TRAPPC8: variants seen among roughly 807,000 people sequenced by gnomAD.
TRAPPC8 encodes general sporulation gene 1 homolog.
In TRAPPC8, 54 loss-of-function variants were observed where a neutral mutation model predicts 174.3. The ratio of observed to expected loss-of-function variants is 0.31; its 90% CI spans 0.25 to 0.39. The LOEUF (loss-of-function observed/expected upper bound fraction) is 0.39, where lower values mean the gene tolerates loss of function less well. TRAPPC8 is among the 10% of genes least tolerant of loss of function. The pLI, the probability that TRAPPC8 is intolerant of heterozygous loss-of-function variation, is 1.00. For synonymous variants in TRAPPC8, 630 were observed against 579.9 expected (o/e 1.09, Z -1.24); for missense variants, 1,531 against 1,699.1 (o/e 0.90, Z 1.74).
At chr18:31,863,091 T>C (rs1309595935) in intron 19 of TRAPPC8, among the ~76,000 whole-genome samples, 1 of 147,820 alleles carries the variant, frequency 6.8e-6, no homozygotes, top group Non-Finnish European at 1.5e-5. Context: ...GGCAATCATA[T>C]GGACACATGG....
intron 25 of TRAPPC8, among the ~76,000 whole-genome samples, chr18:31,847,045 A>C (rs2033446406): frequency 1.3e-5 from 2 of 152,242 alleles, no homozygotes; most frequent in Non-Finnish European, 2.9e-5. Flanking sequence ...TGGATATTTG[A>C]GAGAGATACA....
rs760660849 is a variant in TRAPPC8, at chr18:31,870,485, C to G, written c.2275G>C (p.Val759Leu). ...AVVEEPITVE[V>L]AFRNPLKVLL... Reference sequence around the variant, plus strand: ...ACTTTCAAAGGGTTTCTAAAAGCCACTTCCACTGTAATTGGTTCTATTAAA... The same window carrying G: ...ACTTTCAAAGGGTTTCTAAAAGCCAGTTCCACTGTAATTGGTTCTATTAAA... The change falls in exon 16 of 29, where the codon GTG becomes CTG. Residue 759 changes from valine to leucine, a missense_variant. Transcript: ENST00000283351. The G allele has an allele frequency of 6.2e-7, 1 of 1,611,400 alleles. No homozygotes were observed. Among genetic ancestry groups the G allele is most frequent in the East Asian group, 2.2e-5 (1 of 44,724 alleles).
intron 9 of TRAPPC8, among the ~76,000 whole-genome samples, chr18:31,901,343 G>A (rs2036416932): frequency 6.6e-6 from 1 of 152,178 alleles, no homozygotes; most frequent in Non-Finnish European, 1.5e-5. Flanking sequence ...AGCAAAGACT[G>A]CAGTACCTTC....
At position 31,880,382 on chromosome 18, in the gene TRAPPC8, A is replaced by G. The variant is rs2145272965; in HGVS notation, c.1729-5678T>C. On this transcript the variant is annotated intron_variant, in intron 12 of 28. Coordinates refer to ENST00000283351, the MANE Select transcript of TRAPPC8 (RefSeq NM_014939.5). ...CCAATAAATGTTACTCACCACATAAAGAGAATTAAAAACCATATGATCATC... is the reference window on the plus strand; with the variant it reads ...CCAATAAATGTTACTCACCACATAAGGAGAATTAAAAACCATATGATCATC... Among the ~76,000 whole-genome samples the G allele has an allele frequency of 2.0e-5, 3 of 151,922 alleles. No individual in the cohort carries two copies. The South Asian group carries it at 6.2e-4, about 32-fold the overall frequency.
intron 1 of TRAPPC8, among the ~76,000 whole-genome samples, chr18:31,931,875 A>G (rs1292909648): frequency 6.6e-6 from 1 of 152,186 alleles, no homozygotes; most frequent in Non-Finnish European, 1.5e-5. Context: ...CGTAAGGTCT[A>G]TGGTATTAAC....
intron 9 of TRAPPC8, 110 bp downstream of exon 9, chr18:31,907,350 T>C (rs1162479728): frequency 6.4e-6 from 7 of 1,097,150 alleles, no homozygotes; most frequent in Admixed American, 2.6e-5. Flanking sequence ...AAGTACTATA[T>C]GCTCTTTGAG....
At chr18:31,894,165 G>A (rs1396629567) in intron 11 of TRAPPC8, among the ~76,000 whole-genome samples, 3 of 152,202 alleles carry the variant, frequency 2.0e-5, no homozygotes, top group Non-Finnish European at 4.4e-5. Flanking sequence ...TAGACTGACT[G>A]AGAATCAGTT....
At chr18:31,928,162 AT>A (rs2037700078) in intron 2 of TRAPPC8, among the ~76,000 whole-genome samples, 1 of 139,776 alleles carries the variant, frequency 7.2e-6, no homozygotes, top group Non-Finnish European at 1.5e-5. Context: ...ACTAAAAAAA[AT>A]AAAATAAAAT....
In TRAPPC8 at chr18:31,849,653, C is replaced by T. The variant is rs2033602587; in HGVS notation, c.3648G>A (p.Val1216=). ...ELKKPQAHLP[V]HTEKQSTEDA... is the part of the protein sequence containing the mutation. ...CCTCTGTTGACTGTTTTTCTGTATGCACAGGCAAGTGAGCTTGTGGTTTTT... is the reference window on the plus strand; with the variant it reads ...CCTCTGTTGACTGTTTTTCTGTATGTACAGGCAAGTGAGCTTGTGGTTTTT... The change falls in exon 25 of 29, where the codon GTG becomes GTA. Residue 1216 remains valine (V), a synonymous_variant. Transcript: ENST00000283351. The T allele has an allele frequency of 6.2e-7, 1 of 1,612,994 alleles. No individual in the cohort carries two copies. Among genetic ancestry groups the T allele is most frequent in the African/African-American group, 1.3e-5 (1 of 74,972 alleles).
At chr18:31,870,286 C>A (rs924496541) in intron 16 of TRAPPC8, 86 bp downstream of exon 16, 11 of 1,229,256 alleles carry the variant, frequency 8.9e-6, no homozygotes, top group Non-Finnish European at 1.2e-5. Flanking sequence ...AAGTATAGCT[C>A]ACTGAACAGA....
At chr18:31,925,026 G>GA (rs1054803792) in intron 2 of TRAPPC8, among the ~76,000 whole-genome samples, 4 of 151,966 alleles carry the variant, frequency 2.6e-5, no homozygotes, top group Admixed American at 2.6e-4. Context: ...TGGCCTCAAA[G>GA]AAAAAAACTA....
In TRAPPC8 at chr18:31,856,947, T is replaced by C. The variant is rs143962796; in HGVS notation, c.3188+593A>G. Among the ~76,000 whole-genome samples, 325 of 151,780 alleles carry C rather than the reference T, an allele frequency of 2.1e-3. 1 individual carries two copies. Among genetic ancestry groups the C allele is most frequent in the African/African-American group, 7.1e-3 (292 of 41,400 alleles). On this transcript the variant is annotated intron_variant, in intron 20 of 28. Transcript: ENST00000283351. ...CTGCCTCAGCCTCCCAAGTTATTCC[T>C]AGTTAATTTTGTAAAAATGACAATG...
intron 4 of TRAPPC8, among the ~76,000 whole-genome samples, chr18:31,914,514 T>G (rs901615733): frequency 2.0e-5 from 3 of 152,228 alleles, no homozygotes; most frequent in Admixed American, 2.0e-4. Flanking sequence ...CATTTCAAAT[T>G]TTTTCTATTA....
At chr18:31,910,536 T>TA in intron 5 of TRAPPC8, among the ~76,000 whole-genome samples, 1 of 152,176 alleles carries the variant, frequency 6.6e-6, no homozygotes, top group Middle Eastern at 3.4e-3. Context: ...AAAACTAACA[T>TA]AGTCACTCCC....
intron 12 of TRAPPC8, among the ~76,000 whole-genome samples, chr18:31,887,263 T>C (rs1241768605): frequency 6.6e-6 from 1 of 152,194 alleles, no homozygotes; most frequent in Middle Eastern, 3.2e-3. Context: ...ATTATCTCAA[T>C]AGATGCAGAA....
intron 9 of TRAPPC8, among the ~76,000 whole-genome samples, chr18:31,904,250 A>G (rs2036566389): frequency 6.6e-6 from 1 of 151,944 alleles, no homozygotes; most frequent in South Asian, 2.1e-4. Context: ...AAAAAAAAAA[A>G]AGAAAAAAGA....
intron 4 of TRAPPC8, among the ~76,000 whole-genome samples, chr18:31,913,962 T>TA (rs1237188199): frequency 6.6e-6 from 1 of 151,990 alleles, no homozygotes; most frequent in African/African-American, 2.4e-5. Context: ...AGTCAGGAGT[T>TA]AGAGACCATC....
intron 9 of TRAPPC8, among the ~76,000 whole-genome samples, chr18:31,905,756 C>T (rs1299052795): frequency 6.6e-6 from 1 of 152,122 alleles, no homozygotes; most frequent in Non-Finnish European, 1.5e-5. Flanking sequence ...GCACATATAT[C>T]ATCTAAGAAT....
intron 26 of TRAPPC8, among the ~76,000 whole-genome samples, chr18:31,841,856 C>G (rs898561589): frequency 4.6e-5 from 7 of 152,164 alleles, no homozygotes; most frequent in Non-Finnish European, 8.8e-5. Flanking sequence ...AGATAACTTT[C>G]TCTAGCTGAA....
Sources: gnomAD v4.1 joint callset for allele counts (sites outside exome capture counted in the v4.1 genomes callset) on GRCh38, gnomAD v4.1.1 for gene constraint, MANE v1.5 for transcripts, NCBI Gene and HGNC (gene_info 2026-07-23, HGNC 2026-07-21) for gene names.